Variants in ADAMTS14 observed in about 807,000 individuals in gnomAD.
The protein encoded by ADAMTS14 is ADAM metallopeptidase with thrombospondin type 1 motif 14, also known as A disintegrin and metalloproteinase with thrombospondin motifs 14.
A neutral mutation model predicts 128.6 loss-of-function variants in ADAMTS14; 100 were observed. The ratio of observed to expected loss-of-function variants is 0.78; its 90% CI spans 0.66 to 0.92. The LOEUF is 0.92. Among genes scored for constraint, ADAMTS14 ranks in the 40% least tolerant of loss-of-function variants. The probability of loss-of-function intolerance (pLI) is 0.00; values close to 1 mark genes in which losing one functional copy is unlikely to be tolerated. For synonymous variants in ADAMTS14, 665 were observed against 653.8 expected (o/e 1.02, Z -0.26); for missense variants, 1,562 against 1,658.6 (o/e 0.94, Z 1.01).
intron 4 of ADAMTS14, among the ~76,000 whole-genome samples, chr10:70,717,547 G>A (rs1050252853): frequency 2.6e-5 from 4 of 152,156 alleles, no homozygotes; most frequent in Admixed American, 2.0e-4. Flanking sequence ...ACAGCTCCCC[G>A]TGGTGGCATC....
chr10:70,730,297 C>G (rs41313842), intron 6 of ADAMTS14, 48 bp downstream of exon 6: 3 of 1,579,994 alleles, frequency 1.9e-6, no homozygotes, highest in Non-Finnish European at 2.6e-6. Context: ...GCAGCATGCA[C>G]GGCAGACAGA....
At chr10:70,679,821 C>T (rs2132533535) in intron 2 of ADAMTS14, among the ~76,000 whole-genome samples, 2 of 152,322 alleles carry the variant, frequency 1.3e-5, no homozygotes, top group South Asian at 4.1e-4. Context: ...TGAGTAGACC[C>T]TGGCAGACGG....
rs1842602356 is a variant in ADAMTS14 at position 70,761,044 on chromosome 10, A to G, written c.*191A>G. On this transcript the variant is annotated 3_prime_UTR_variant, in exon 22 of 22. Transcript: ENST00000373207. ...GTGGGAGGAAGACAAAGATCAGGGA[A>G]AGCCCTAATCGGAGATACCTCAGCA... is the stretch of plus-strand genomic sequence containing the variant. The G allele has an allele frequency of 1.1e-6, 1 of 901,136 alleles. No individual in the cohort carries two copies. Among genetic ancestry groups the G allele is most frequent in the African/African-American group, 1.7e-5 (1 of 59,850 alleles). The allele number at this position is 901,136 out of a possible 1,614,324, so 55.8% of individuals were successfully genotyped here.
chr10:70,690,059 G>A lies in ADAMTS14; in HGVS notation c.523-12253G>A, dbSNP rs568277432. 2.6e-4 allele frequency among the ~76,000 whole-genome samples: 38 copies of A among 144,984 alleles called. 4 individuals are homozygous for A. Among genetic ancestry groups the A allele is most frequent in the Admixed American group, 1.6e-3 (24 of 14,556 alleles). ...TCCGTGCAAAGAGTAATTTTTGGCT[G>A]TGTCTCCAGCACCTAGATCAGGGGC... On this transcript the variant is annotated intron_variant, in intron 2 of 21. Coordinates refer to ENST00000373207, the MANE Select transcript of ADAMTS14 (RefSeq NM_080722.4).
In ADAMTS14 at chr10:70,740,998, G is replaced by A. The variant is rs757024561; in HGVS notation, c.1760G>A (p.Gly587Glu). 3 of 1,614,074 alleles carry A rather than the reference G, an allele frequency of 1.9e-6. No homozygotes were observed. The South Asian group carries it at 3.3e-5, about 18-fold the overall frequency. ...RSCNNPSPAY[G>E]GRLCLGPMFE... ...TGTGTCTGTCCCAGCCCAGCCTATGGAGGCCGCCTGTGCTTAGGGCCCATG... is the reference window on the plus strand; with the variant it reads ...TGTGTCTGTCCCAGCCCAGCCTATGAAGGCCGCCTGTGCTTAGGGCCCATG... The change falls in exon 12 of 22, where the codon GGA becomes GAA. Residue 587 changes from glycine to glutamate, a missense_variant. By Grantham distance (98) the Gly-to-Glu change is moderately conservative (BLOSUM62 -2). Transcript: ENST00000373207.
chr10:70,752,331 A>C (rs1842374773), intron 18 of ADAMTS14, 104 bp downstream of exon 18: 2 of 1,457,260 alleles, frequency 1.4e-6, no homozygotes, highest in African/African-American at 2.8e-5. Context: ...GGTTATGGAG[A>C]CACGACCATA....
intron 8 of ADAMTS14, 92 bp from the exon 9 acceptor site, chr10:70,735,077 G>A: frequency 6.7e-7 from 1 of 1,501,348 alleles, no homozygotes; most frequent in Non-Finnish European, 9.0e-7. Flanking sequence ...AATTCTTGCA[G>A]GCCTTGCTCA....
At chr10:70,694,396 C>T (rs897267882) in intron 2 of ADAMTS14, among the ~76,000 whole-genome samples, 5 of 152,160 alleles carry the variant, frequency 3.3e-5, no homozygotes, top group Non-Finnish European at 7.3e-5. Flanking sequence ...ACGCAATTCG[C>T]CCATTTAAAA....
intron 15 of ADAMTS14, among the ~76,000 whole-genome samples, chr10:70,747,328 G>A (rs1159022681): frequency 2.0e-5 from 3 of 152,180 alleles, no homozygotes; most frequent in Non-Finnish European, 2.9e-5. Context: ...GGCAGAGCCA[G>A]TCTGGGCCCA....
At chr10:70,744,935 G>A (rs1430880602) in intron 14 of ADAMTS14, among the ~76,000 whole-genome samples, 2 of 152,136 alleles carry the variant, frequency 1.3e-5, no homozygotes, top group Non-Finnish European at 2.9e-5. Flanking sequence ...AAGGGACGGG[G>A]GGAAGGGCAG....
chr10:70,730,310 C>T (rs1437443447), intron 6 of ADAMTS14, 61 bp downstream of exon 6: 1 of 1,560,358 alleles, frequency 6.4e-7, no homozygotes, highest in African/African-American at 1.3e-5. Flanking sequence ...CAGACAGAGG[C>T]TGGGCCTGGA....
chr10:70,732,775 C>A (rs951999388), intron 7 of ADAMTS14, among the ~76,000 whole-genome samples: 2 of 152,230 alleles, frequency 1.3e-5, no homozygotes, highest in Non-Finnish European at 2.9e-5. Context: ...CCCTGATACT[C>A]AGCACTCATT....
Position 70,754,855 on chromosome 10 carries a change from C to G in ADAMTS14, c.2937+848C>G, listed in dbSNP as rs12355700. On this transcript the variant is annotated intron_variant, in intron 19 of 21. Transcript: ENST00000373207. ...GGTAGCGAAGGGGAGATAGCAGTAG[C>G]GCTGCTTAGTTATTTGGGTGCTCTG... Among the ~76,000 whole-genome samples the G allele has an allele frequency of 1.9e-4, 29 of 152,194 alleles. 1 individual carries two copies. In the South Asian group the frequency reaches 6.0e-3, roughly 32 times the overall value.
At position 70,761,047 on chromosome 10, in the gene ADAMTS14, C is replaced by T; in HGVS notation, c.*194C>T. 1.1e-6 allele frequency: 1 copy of T among 876,914 alleles called. No individual in the cohort carries two copies. The highest frequency in any genetic ancestry group is 2.5e-5 in the South Asian group (1 of 39,752). 54.3% of individuals were successfully genotyped at this position (876,914 alleles called of 1,614,324 possible). A position where few individuals can be genotyped will look rare whatever the true frequency, so the allele number is the denominator to read the frequency against. ...GGAGGAAGACAAAGATCAGGGAAAG[C>T]CCTAATCGGAGATACCTCAGCAAGC... is the stretch of plus-strand genomic sequence containing the variant. On this transcript the variant is annotated 3_prime_UTR_variant, in exon 22 of 22. Transcript: ENST00000373207.
At chr10:70,754,135 T>A in intron 19 of ADAMTS14, 128 bp downstream of exon 19, 2 of 855,784 alleles carry the variant, frequency 2.3e-6, no homozygotes, top group Non-Finnish European at 3.5e-6. Context: ...TTGTTTTCCT[T>A]AAAGTAGAAT....
intron 17 of ADAMTS14, 46 bp downstream of exon 17, chr10:70,751,692 A>G (rs1842356372): frequency 6.3e-7 from 1 of 1,587,818 alleles, no homozygotes; most frequent in African/African-American, 1.3e-5. Context: ...GCAGCCCAGG[A>G]TCCCTTGAGA....
rs1341810223 is a variant in ADAMTS14 at position 70,738,854 on chromosome 10, G to A, written c.1612G>A (p.Gly538Ser). Residue 538 changes from glycine (G) to serine (S), a missense_variant, in exon 11 of 22, where the codon GGT (glycine) becomes AGT (serine). Coordinates refer to ENST00000373207, the MANE Select transcript of ADAMTS14 (RefSeq NM_080722.4). ...TGCTCTGCCCCAGTGGTGCTTCAAA[G>A]GTCACTGCATCTGGAAGTCGCCGGA... ...ECAPGKWCFK[G>S]HCIWKSPEQT... 6.2e-7 allele frequency: 1 copy of A among 1,614,078 alleles called. No individual in the cohort carries two copies. Among genetic ancestry groups the A allele is most frequent in the Non-Finnish European group, 8.5e-7 (1 of 1,180,028 alleles).
chr10:70,731,842 G>A (rs1841648649), intron 6 of ADAMTS14, among the ~76,000 whole-genome samples: 1 of 152,174 alleles, frequency 6.6e-6, no homozygotes, highest in African/African-American at 2.4e-5. Context: ...TTGCAGGGTC[G>A]GGGTAGGCTC....
chr10:70,738,092 T>TC (rs5786005), intron 10 of ADAMTS14, among the ~76,000 whole-genome samples: 118,162 of 151,962 alleles, frequency 0.78, 46,080 homozygotes, highest in East Asian at 0.95. Flanking sequence ...TTGTAAAATC[T>TC]CCCCAGGTGA....
Sources: allele counts gnomAD v4.1 joint callset (sites outside exome capture counted in the v4.1 genomes callset), GRCh38; gene constraint gnomAD v4.1.1; transcripts MANE v1.5; gene names NCBI Gene and HGNC (gene_info 2026-07-23, HGNC 2026-07-21).